DAB2IP: variants seen among roughly 807,000 people sequenced by gnomAD.
DAB2IP encodes the protein disabled homolog 2-interacting protein.
A neutral mutation model predicts 107.2 loss-of-function variants in DAB2IP; 28 were observed. The ratio of observed to expected loss-of-function variants is 0.26; its 90% CI spans 0.19 to 0.36. The LOEUF is 0.36. Ranked by LOEUF, DAB2IP falls within the 10% of genes least tolerant of loss-of-function variation. The probability of loss-of-function intolerance (pLI) is 1.00; values close to 1 mark genes in which losing one functional copy is unlikely to be tolerated. For synonymous variants in DAB2IP, 755 were observed against 706.4 expected (o/e 1.07, Z -1.09); for missense variants, 1,400 against 1,644.7 (o/e 0.85, Z 2.57).
At chr9:121,580,778 C>T (rs1830178075) in intron 1 of DAB2IP, among the ~76,000 whole-genome samples, 1 of 152,196 alleles carries the variant, frequency 6.6e-6, no homozygotes, top group Non-Finnish European at 1.5e-5. Flanking sequence ...GCGCCAACCA[C>T]CACGCCCAGC....
chr9:121,586,014 T>C (rs1174432815), intron 1 of DAB2IP, among the ~76,000 whole-genome samples: 2 of 152,278 alleles, frequency 1.3e-5, no homozygotes, highest in East Asian at 3.9e-4. Context: ...GGCCTCTCCC[T>C]GCATTTTTCT....
chr9:121,678,606 G>T, intron 1 of DAB2IP, 72 bp from the exon 2 acceptor site: 1 of 1,258,028 alleles, frequency 7.9e-7, no homozygotes. Flanking sequence ...ACTGGGATGG[G>T]AGTGGCAGGA....
At position 121,698,968 on chromosome 9, in the gene DAB2IP, C is replaced by T. The variant is rs1829580350; in HGVS notation, c.229-357C>T. Among the ~76,000 whole-genome samples the T allele has an allele frequency of 6.6e-6, 1 of 151,800 alleles. No individual in the cohort carries two copies. Among genetic ancestry groups the T allele is most frequent in the Non-Finnish European group, 1.5e-5 (1 of 67,858 alleles). On this transcript the variant is annotated intron_variant, in intron 2 of 15. Transcript: ENST00000408936. The surrounding 1 kb of genome is among the most constrained non-coding windows in gnomAD (Gnocchi z 4.1). The stretch of plus-strand genomic sequence containing the variant: ...TGGCGGTCCCCGGGGGTCTCCGCCC[C>T]TCCGCAGCCCCGCCCCCTCGTCCCG...
At chr9:121,759,950 CAAG>C (rs1028731832) in exon 6 of DAB2IP, 3 of 1,614,024 alleles carry the variant, frequency 1.9e-6, no homozygotes, top group Admixed American at 1.7e-5. Context: ...ACCTGCCAGC[CAAG>C]AAGAAGTACC....
chr9:121,677,126 T>C (rs1177588182), intron 1 of DAB2IP, among the ~76,000 whole-genome samples: 4 of 152,248 alleles, frequency 2.6e-5, no homozygotes, highest in Non-Finnish European at 4.4e-5. Flanking sequence ...GGCTGGCTGC[T>C]TTCCTAGATT....
chr9:121,699,490 G>T lies in DAB2IP; in HGVS notation c.362+32G>T. 7.9e-7 allele frequency: 1 copy of T among 1,262,682 alleles called. No individual in the cohort carries two copies. 78.2% of individuals were successfully genotyped at this position (1,262,682 alleles called of 1,614,324 possible). A position where few individuals can be genotyped will look rare whatever the true frequency, so the allele number is the denominator to read the frequency against. ...CCGCCGCCGCCGCCCGGTCCCCCGC[G>T]CCGCCGCCCCGGGCTGCGCCCCTGA... On this transcript the variant is annotated intron_variant, in intron 3 of 15. Transcript: ENST00000408936. The surrounding 1 kb of genome is among the most constrained non-coding windows in gnomAD (Gnocchi z 6.2).
chr9:121,718,183 G>A (rs999525158), intron 3 of DAB2IP, among the ~76,000 whole-genome samples: 1 of 152,166 alleles, frequency 6.6e-6, no homozygotes, highest in Non-Finnish European at 1.5e-5. Context: ...CAGCCTGTCT[G>A]TGTGGCTGCC....
intron 3 of DAB2IP, among the ~76,000 whole-genome samples, chr9:121,715,536 G>T (rs190100423): frequency 6.6e-6 from 1 of 151,742 alleles, no homozygotes; most frequent in Non-Finnish European, 1.5e-5. Context: ...TGTATTTTTA[G>T]TACAGACAGG....
chr9:121,631,223 A>G (rs930994242), intron 1 of DAB2IP, among the ~76,000 whole-genome samples: 1 of 152,250 alleles, frequency 6.6e-6, no homozygotes, highest in South Asian at 2.1e-4. Context: ...GCACACAGAC[A>G]GCTGAACAGC....
At chr9:121,727,075 G>A (rs1459023869) in intron 3 of DAB2IP, among the ~76,000 whole-genome samples, 1 of 152,202 alleles carries the variant, frequency 6.6e-6, no homozygotes, top group Non-Finnish European at 1.5e-5. Context: ...TTGCCTGGAG[G>A]CAGGGGGACA....
intron 1 of DAB2IP, among the ~76,000 whole-genome samples, chr9:121,578,719 T>C (rs1044557360): frequency 9.4e-6 from 1 of 106,664 alleles, no homozygotes; most frequent in African/African-American, 3.5e-5. Flanking sequence ...CTCCGGCCTA[T>C]GTCTTTTTTT....
chr9:121,713,042 T>G (rs568957423), intron 3 of DAB2IP, among the ~76,000 whole-genome samples: 44 of 152,328 alleles, frequency 2.9e-4, no homozygotes, highest in African/African-American at 9.1e-4. Flanking sequence ...CTTCCCCCTT[T>G]GTGGAGCTTC....
chr9:121,662,825 C>T lies in DAB2IP; in HGVS notation c.124+10926C>T, dbSNP rs112529740. On this transcript the variant is annotated intron_variant, in intron 1 of 15. Transcript: ENST00000408936. This position sits in a 1 kb window ranked among gnomAD's most constrained non-coding sequence, Gnocchi z 4.6. ...AGAGAGGAGCAAACACATATGGACA[C>T]CCTGAGACCTCCTTAGTTTCCTGAA... Among the ~76,000 whole-genome samples, 6 of 152,192 alleles carry T rather than the reference C, an allele frequency of 3.9e-5. No homozygotes were observed. Among genetic ancestry groups the T allele is most frequent in the African/African-American group, 1.4e-4 (6 of 41,430 alleles).
chr9:121,775,399 C>A (rs1017872553), intron 13 of DAB2IP, among the ~76,000 whole-genome samples: 2 of 152,306 alleles, frequency 1.3e-5, no homozygotes, highest in Non-Finnish European at 2.9e-5. Context: ...TGAAGGGGAC[C>A]GGGGGACAGG....
chr9:121,696,495 G>A (rs1328983116), intron 2 of DAB2IP, among the ~76,000 whole-genome samples: 8 of 152,172 alleles, frequency 5.3e-5, no homozygotes, highest in Non-Finnish European at 1.2e-4. Flanking sequence ...CAAGTCCCAG[G>A]AGCTGCCTCT....
intron 3 of DAB2IP, among the ~76,000 whole-genome samples, chr9:121,707,478 C>T (rs760896204): frequency 2.6e-5 from 4 of 152,202 alleles, no homozygotes; most frequent in African/African-American, 4.8e-5. Context: ...ACCAGAGCAG[C>T]CCTTCTCCCT....
chr9:121,726,796 T>C (rs1280947479), intron 3 of DAB2IP, among the ~76,000 whole-genome samples: 2 of 152,168 alleles, frequency 1.3e-5, no homozygotes, highest in African/African-American at 4.8e-5. Context: ...AGAAGGTGTC[T>C]GGGACAGGGA....
chr9:121,597,156 G>A (rs1456372850), intron 1 of DAB2IP, among the ~76,000 whole-genome samples: 1 of 152,100 alleles, frequency 6.6e-6, no homozygotes, highest in East Asian at 1.9e-4. Context: ...CAGAAGTTTT[G>A]AATTTTAATT....
At chr9:121,659,751 G>A (rs1833123097) in intron 1 of DAB2IP, among the ~76,000 whole-genome samples, 1 of 151,988 alleles carries the variant, frequency 6.6e-6, no homozygotes, top group African/African-American at 2.4e-5. Context: ...CCGAGATCGC[G>A]CCACTGCACT....
Sources: allele counts gnomAD v4.1 joint callset (sites outside exome capture counted in the v4.1 genomes callset), GRCh38; gene constraint gnomAD v4.1.1; non-coding constraint Gnocchi (gnomAD v3.1); transcripts MANE v1.5; gene names NCBI Gene and HGNC (gene_info 2026-07-23, HGNC 2026-07-21).